ASTN2: variants seen among roughly 807,000 people sequenced by gnomAD.
ASTN2 encodes astrotactin 2.
A neutral mutation model predicts 139.8 loss-of-function variants in ASTN2; 54 were observed. That is an observed-to-expected ratio of 0.39 (90% confidence interval 0.31 to 0.48). The LOEUF (loss-of-function observed/expected upper bound fraction) is 0.48. Among genes scored for constraint, ASTN2 ranks in the 20% least tolerant of loss-of-function variants. The pLI is 0.95. For synonymous variants in ASTN2, 756 were observed against 719.5 expected, an observed-to-expected ratio of 1.05 and a Z score of -0.81; for missense variants, 1,565 against 1,725.1, an observed-to-expected ratio of 0.91 and a Z score of 1.64.
At position 117,082,613 on chromosome 9, in the gene ASTN2, C is replaced by T. The variant is rs150608168; in HGVS notation, c.1276+13431G>A. ...GGTCAGGAATTCAAGACCAGCCTGG[C>T]CAACATGGTGAAACCCCATCCCTAC... On this transcript the variant is annotated intron_variant, in intron 5 of 22. Coordinates refer to ENST00000313400, the MANE Select transcript of ASTN2 (RefSeq NM_001365068.1). Among the ~76,000 whole-genome samples, 126 of 152,262 alleles carry T rather than the reference C, an allele frequency of 8.3e-4. 1 individual carries two copies. In the East Asian group the frequency reaches 0.023, roughly 28 times the overall value.
chr9:116,955,249 C>T (rs1168592264), intron 10 of ASTN2, among the ~76,000 whole-genome samples: 2 of 152,094 alleles, frequency 1.3e-5, no homozygotes, highest in Non-Finnish European at 2.9e-5. Context: ...AGTTGATGCC[C>T]ACAAAGGATT....
rs1838501284 is a variant in ASTN2, at chr9:117,039,859, C to G, written c.1383G>C (p.Val461=). ...GCTCGGGCACATGCAGAGTCACCTT[C>G]ACAGTGAGTGGACAAGACATCTGGC... is the stretch of plus-strand genomic sequence containing the variant. ...CGSQMSCPLT[V]KVTLHVPEHF... is the part of the protein sequence containing the mutation. Residue 461 remains valine, a synonymous_variant, in exon 6 of 23, where the codon GTG becomes GTC. Transcript: ENST00000313400. 1 of 1,613,766 alleles carries G rather than the reference C, an allele frequency of 6.2e-7. No homozygotes were observed. The highest frequency in any genetic ancestry group is 8.5e-7 in the Non-Finnish European group (1 of 1,179,840).
At chr9:117,294,768 A>G (rs1328013602) in intron 1 of ASTN2, among the ~76,000 whole-genome samples, 2 of 152,022 alleles carry the variant, frequency 1.3e-5, no homozygotes, top group Admixed American at 1.3e-4. Context: ...CACACACTCC[A>G]TCCCTGCAGG....
chr9:116,618,469 C>T lies in ASTN2; in HGVS notation c.3210G>A (p.Leu1070=), dbSNP rs762130981. ...AGGGCTCCACTGTTGGGGACAGCCGCAGCCTACAGGGAATAAAAAGGAAGA... is the reference window on the plus strand; with the variant it reads ...AGGGCTCCACTGTTGGGGACAGCCGTAGCCTACAGGGAATAAAAAGGAAGA... ...PNCSPLLQPV[L]RLSPTVEPSS... is the part of the protein sequence containing the mutation. The change falls in exon 19 of 23, where the codon CTG becomes CTA. Residue 1070 remains leucine (L), a synonymous_variant. Coordinates refer to ENST00000313400, the MANE Select transcript of ASTN2 (RefSeq NM_001365068.1). 1 of 1,610,492 alleles carries T rather than the reference C, an allele frequency of 6.2e-7. No homozygotes were observed. The highest frequency in any genetic ancestry group is 1.7e-5 in the Admixed American group (1 of 59,140).
chr9:117,111,545 A>C (rs1829250948), intron 4 of ASTN2, among the ~76,000 whole-genome samples: 1 of 152,160 alleles, frequency 6.6e-6, no homozygotes, highest in Non-Finnish European at 1.5e-5. Flanking sequence ...AAGAAAAATT[A>C]AACCATGTCT....
At chr9:116,545,344 C>T (rs981274296) in intron 19 of ASTN2, among the ~76,000 whole-genome samples, 3 of 152,236 alleles carry the variant, frequency 2.0e-5, no homozygotes, top group Non-Finnish European at 4.4e-5. Flanking sequence ...GGAGTCTCCA[C>T]ATGTACCCAC....
intron 19 of ASTN2, among the ~76,000 whole-genome samples, chr9:116,534,554 T>C (rs1463548379): frequency 5.9e-5 from 9 of 152,232 alleles, no homozygotes; most frequent in African/African-American, 2.2e-4. Context: ...GATTCTTGTA[T>C]GTTATGACTT....
chr9:117,292,455 T>G (rs1048410717), intron 1 of ASTN2, among the ~76,000 whole-genome samples: 6 of 152,194 alleles, frequency 3.9e-5, no homozygotes, highest in Non-Finnish European at 5.9e-5. Flanking sequence ...GCAAATGTCC[T>G]AGAAAGACAA....
In ASTN2 at chr9:116,699,672, A is replaced by G. The variant is rs1462453134; in HGVS notation, c.2806+26099T>C. On this transcript the variant is annotated intron_variant, in intron 16 of 22. Coordinates refer to ENST00000313400, the MANE Select transcript of ASTN2 (RefSeq NM_001365068.1). The surrounding 1 kb of genome is among the most constrained non-coding windows in gnomAD (Gnocchi z 4.2). ...TTGGGATCATTGCATCAAGATCTAC[A>G]GCTACCATCTGAGAAGATATTCCAC... The G allele has an allele frequency of 1.1e-5, 18 of 1,614,048 alleles. No homozygotes were observed. Among genetic ancestry groups the G allele is most frequent in the Middle Eastern group, 1.6e-4 (1 of 6,084 alleles).
At chr9:117,147,854 A>ACT (rs760304358) in intron 3 of ASTN2, among the ~76,000 whole-genome samples, 16 of 152,152 alleles carry the variant, frequency 1.1e-4, no homozygotes, top group Middle Eastern at 3.4e-3. Context: ...CTGTTGCTGC[A>ACT]CTCTATAAGT....
chr9:116,650,461 A>G (rs897753047), intron 17 of ASTN2, among the ~76,000 whole-genome samples: 4 of 152,178 alleles, frequency 2.6e-5, no homozygotes, highest in Admixed American at 2.0e-4. Context: ...TGAGTAAATC[A>G]CTTAATATCT....
chr9:117,154,225 T>C (rs1404164298), intron 3 of ASTN2, among the ~76,000 whole-genome samples: 1 of 152,072 alleles, frequency 6.6e-6, no homozygotes, highest in African/African-American at 2.4e-5. Context: ...TAGACAATAA[T>C]GGATTGAGGC....
At chr9:117,110,069 T>TTA (rs1219103880) in intron 4 of ASTN2, among the ~76,000 whole-genome samples, 13 of 152,310 alleles carry the variant, frequency 8.5e-5, no homozygotes, top group East Asian at 1.9e-4. Context: ...CATTAAAATG[T>TTA]TATGTATATA....
At chr9:117,249,693 C>CT (rs56222565) in intron 2 of ASTN2, among the ~76,000 whole-genome samples, 78,042 of 146,672 alleles carry the variant, frequency 0.53, 23,394 homozygotes, top group East Asian at 0.76. Flanking sequence ...CTGACATTGT[C>CT]TTTTTTTTTT....
intron 1 of ASTN2, among the ~76,000 whole-genome samples, chr9:117,335,732 T>C (rs1370021113): frequency 1.3e-5 from 2 of 152,054 alleles, no homozygotes; most frequent in African/African-American, 4.8e-5. Flanking sequence ...CACAGGCCCC[T>C]TAAAAATTAC....
chr9:116,936,546 A>G (rs939439979), intron 10 of ASTN2, among the ~76,000 whole-genome samples: 2 of 152,200 alleles, frequency 1.3e-5, no homozygotes, highest in African/African-American at 4.8e-5. Flanking sequence ...TCTGGTCACC[A>G]AACCCATGCT....
chr9:116,477,702 G>A (rs1414619818), intron 20 of ASTN2, among the ~76,000 whole-genome samples: 4 of 151,506 alleles, frequency 2.6e-5, no homozygotes, highest in Non-Finnish European at 4.4e-5. Context: ...AGAGCAAGTA[G>A]AAGAGAGGTA....
chr9:116,637,714 A>G (rs758410489), intron 17 of ASTN2, among the ~76,000 whole-genome samples: 8 of 152,226 alleles, frequency 5.3e-5, no homozygotes, highest in Non-Finnish European at 1.0e-4. Context: ...CAAGGCTAGC[A>G]GATTACTTGT....
intron 10 of ASTN2, among the ~76,000 whole-genome samples, chr9:116,906,666 C>CTTGTTT (rs112050789): frequency 0.79 from 119,966 of 151,062 alleles, 48,788 homozygotes; most frequent in Non-Finnish European, 0.88. Flanking sequence ...GCTTCTGGAC[C>CTTGTTT]TTGTTTTTGT....
Sources: allele counts gnomAD v4.1 joint callset (sites outside exome capture counted in the v4.1 genomes callset), GRCh38; gene constraint gnomAD v4.1.1; non-coding constraint Gnocchi (gnomAD v3.1); transcripts MANE v1.5; gene names NCBI Gene and HGNC (gene_info 2026-07-23, HGNC 2026-07-21).